The following CCDC102B variants were observed in gnomAD, a reference collection of about 807,000 sequenced individuals.
CCDC102B encodes the protein coiled-coil domain containing 102B, also known as coiled-coil domain-containing protein 102B.
In CCDC102B, 75 loss-of-function variants were observed where a neutral mutation model predicts 57.4. That is an observed-to-expected ratio of 1.31 (90% confidence interval 1.08 to 1.58). CCDC102B has a LOEUF of 1.58. Among genes scored for constraint, CCDC102B ranks in the 40% most tolerant of loss-of-function variants. The pLI is 0.00. For synonymous variants in CCDC102B, 206 were observed against 201.9 expected (o/e 1.02, Z -0.17); for missense variants, 636 against 582.6 (o/e 1.09, Z -0.94).
At chr18:68,918,102 G>A (rs2041140995) in intron 6 of CCDC102B, among the ~76,000 whole-genome samples, 1 of 152,032 alleles carries the variant, frequency 6.6e-6, no homozygotes. Context: ...ATCCAAGAGG[G>A]TAAAGACAAT....
chr18:68,988,365 T>C (rs1411465030), intron 6 of CCDC102B, among the ~76,000 whole-genome samples: 1 of 150,200 alleles, frequency 6.7e-6, no homozygotes, highest in Non-Finnish European at 1.5e-5. Context: ...GACACAAAGA[T>C]TGGAACAACA....
intron 2 of CCDC102B, among the ~76,000 whole-genome samples, chr18:68,779,732 G>C (rs1333084700): frequency 6.6e-6 from 1 of 152,028 alleles, no homozygotes; most frequent in Non-Finnish European, 1.5e-5. Flanking sequence ...GTAGAGATGA[G>C]TTACATTATT....
chr18:68,864,796 C>A (rs1280223507), intron 4 of CCDC102B, among the ~76,000 whole-genome samples: 4 of 152,024 alleles, frequency 2.6e-5, no homozygotes, highest in Non-Finnish European at 5.9e-5. Context: ...GAAACATTTT[C>A]TGGCTTTACT....
chr18:68,897,457 A>T (rs778224138), intron 6 of CCDC102B, 29 bp downstream of exon 6: 23 of 1,602,056 alleles, frequency 1.4e-5, no homozygotes, highest in Non-Finnish European at 1.9e-5. Flanking sequence ...GCAAATTCTC[A>T]CTGTCTAATC....
intron 2 of CCDC102B, among the ~76,000 whole-genome samples, chr18:68,761,513 AT>A (rs1417137116): frequency 1.3e-5 from 2 of 151,504 alleles, no homozygotes; most frequent in African/African-American, 4.8e-5. Context: ...TTTTAAAATA[AT>A]TTTTTATTTA....
intron 6 of CCDC102B, among the ~76,000 whole-genome samples, chr18:68,946,256 A>C (rs2049535233): frequency 6.6e-6 from 1 of 152,032 alleles, no homozygotes; most frequent in Admixed American, 6.6e-5. Flanking sequence ...CCTGTAGTTT[A>C]GTTTCTGTTT....
Position 68,838,698 on chromosome 18 carries a change from G to GT in CCDC102B, c.607-7dup. On this transcript the variant is annotated splice_region_variant and splice_polypyrimidine_tract_variant and intron_variant, in intron 2 of 7. Coordinates refer to ENST00000360242, the MANE Select transcript of CCDC102B (RefSeq NM_024781.3). ...GTTTAAATATGTTTTGTTTTGTTTT[G>GT]TCTTCAGGAACAAGGTGTGGTTATT... 1 of 1,610,966 alleles carries GT rather than the reference G, an allele frequency of 6.2e-7. No homozygotes were observed. Among genetic ancestry groups the GT allele is most frequent in the Non-Finnish European group, 8.5e-7 (1 of 1,178,482 alleles).
Position 69,054,155 on chromosome 18 carries a change from C to G in CCDC102B, c.*18C>G. The G allele has an allele frequency of 1.3e-6, 2 of 1,581,104 alleles. No individual in the cohort carries two copies. The highest frequency in any genetic ancestry group is 1.7e-6 in the Non-Finnish European group (2 of 1,167,972). Reference sequence around the variant, plus strand: ...ACTGGTAATTTTTTCACAAAATATGCTGAATTAAAGATTAGGGCCTTAAAG... The same window carrying G: ...ACTGGTAATTTTTTCACAAAATATGGTGAATTAAAGATTAGGGCCTTAAAG... On this transcript the variant is annotated 3_prime_UTR_variant, in exon 8 of 8. Transcript: ENST00000360242.
chr18:68,878,896 G>C (rs1025654263), intron 5 of CCDC102B, among the ~76,000 whole-genome samples: 3 of 152,198 alleles, frequency 2.0e-5, no homozygotes, highest in Non-Finnish European at 2.9e-5. Context: ...TGAAGCCACG[G>C]ACCCTCGTGG....
intron 2 of CCDC102B, among the ~76,000 whole-genome samples, chr18:68,792,418 T>C (rs979182673): frequency 6.6e-6 from 1 of 152,218 alleles, no homozygotes; most frequent in African/African-American, 2.4e-5. Flanking sequence ...ACGTAAGTTA[T>C]ACCATCAGAC....
chr18:68,715,246 C>T (rs865889107), exon 1 of CCDC102B: 34 of 1,340,962 alleles, frequency 2.5e-5, no homozygotes, highest in African/African-American at 4.6e-5. Context: ...GTGCCCCCCT[C>T]CACGCCCAGG....
At chr18:68,945,121 T>A (rs62095035) in intron 6 of CCDC102B, among the ~76,000 whole-genome samples, 10 of 28,728 alleles carry the variant, frequency 3.5e-4, no homozygotes, top group Admixed American at 9.0e-4. Context: ...TCTCTCTCTC[T>A]CCACACACAC....
intron 1 of CCDC102B, among the ~76,000 whole-genome samples, chr18:68,808,115 C>G (rs989783589): frequency 1.3e-5 from 2 of 152,120 alleles, no homozygotes; most frequent in African/African-American, 2.4e-5. Flanking sequence ...CATTTTGGAT[C>G]TCACTATTAT....
At chr18:68,956,399 A>ATATATTTTATATATATTATATATT (rs1350807044) in intron 6 of CCDC102B, among the ~76,000 whole-genome samples, 4 of 79,728 alleles carry the variant, frequency 5.0e-5, no homozygotes, top group East Asian at 7.2e-4. Flanking sequence ...TATATATATA[A>ATATATTTTATATATATTATATATT]ATATATTTTA....
rs116086511 is a variant in CCDC102B, at chr18:68,742,311, C to T, written c.-67+25717C>T. Among the ~76,000 whole-genome samples the T allele has an allele frequency of 2.3e-3, 356 of 152,268 alleles. 3 individuals are homozygous for T. Among genetic ancestry groups the T allele is most frequent in the African/African-American group, 8.2e-3 (339 of 41,548 alleles). ...TGTATCTGTCTTTGTGTCTCTTTTC[C>T]TCTTCCTATAAGAGCACCAGTCATA... On this transcript the variant is annotated intron_variant, in intron 2 of 3. Coordinates refer to the CCDC102B transcript ENST00000578970.
intron 6 of CCDC102B, among the ~76,000 whole-genome samples, chr18:69,009,199 C>A (rs2051432976): frequency 6.6e-6 from 1 of 152,164 alleles, no homozygotes; most frequent in Non-Finnish European, 1.5e-5. Context: ...CATACTTAGC[C>A]TTTGCCAGTC....
At chr18:68,829,914 A>C (rs920764825) in intron 1 of CCDC102B, among the ~76,000 whole-genome samples, 3 of 151,994 alleles carry the variant, frequency 2.0e-5, no homozygotes, top group African/African-American at 7.2e-5. Flanking sequence ...ATAGATTTTA[A>C]ATGTAAAAAC....
intron 1 of CCDC102B, among the ~76,000 whole-genome samples, chr18:68,816,805 T>C (rs551940306): frequency 2.0e-4 from 30 of 152,270 alleles, no homozygotes; most frequent in African/African-American, 7.0e-4. Context: ...TTGCAGAAAA[T>C]TTCTCTTAAA....
intron 2 of CCDC102B, among the ~76,000 whole-genome samples, chr18:68,723,574 C>A (rs1470479804): frequency 6.6e-6 from 1 of 152,156 alleles, no homozygotes; most frequent in Admixed American, 6.5e-5. Context: ...GATACGGGCC[C>A]CATGCAAGTC....
Sources: gnomAD v4.1 joint callset for allele counts (sites outside exome capture counted in the v4.1 genomes callset) on GRCh38, gnomAD v4.1.1 for gene constraint, MANE v1.5 for transcripts, NCBI Gene and HGNC (gene_info 2026-07-23, HGNC 2026-07-21) for gene names.